Variants in HTT observed in about 807,000 individuals in gnomAD.
HTT encodes huntington disease protein.
Under a neutral mutation model 362.3 loss-of-function variants are expected in HTT, and 104 were observed. The ratio of observed to expected loss-of-function variants is 0.29; its 90% CI spans 0.24 to 0.34. HTT has a LOEUF of 0.34. HTT is among the 10% of genes least tolerant of loss of function. The probability of loss-of-function intolerance (pLI) is 1.00; values close to 1 mark genes in which losing one functional copy is unlikely to be tolerated. For missense variants in HTT, 3,301 were observed against 3,928.6 expected, an observed-to-expected ratio of 0.84 and a Z score of 4.27; for synonymous variants, 1,577 against 1,548.7, an observed-to-expected ratio of 1.02 and a Z score of -0.43.
rs746927611 is a variant in HTT at position 3,147,958 on chromosome 4, TC to T, written c.3296-44del. ...TTCAGTTCCCCAAGCAATTTGTCCT[TC>T]CCATGCTATTGGGGTGGAGAGGTAA... On this transcript the variant is annotated intron_variant, in intron 25 of 66. Transcript: ENST00000355072. The T allele has an allele frequency of 2.5e-5, 37 of 1,468,566 alleles. No individual in the cohort carries two copies. In the Middle Eastern group the frequency reaches 1.1e-3, roughly 44 times the overall value. The allele number at this position is 1,468,566 out of a possible 1,614,324, so 91.0% of individuals were successfully genotyped here.
At position 3,075,034 on chromosome 4, in the gene HTT, C is replaced by A. The variant is rs375917; in HGVS notation, c.209C>A (p.Pro70Gln). 5 of 1,245,636 alleles carry A rather than the reference C, an allele frequency of 4.0e-6. No homozygotes were observed. The highest frequency in any genetic ancestry group is 3.6e-5 in the South Asian group (1 of 27,576). The allele number at this position is 1,245,636 out of a possible 1,614,324, so 77.2% of individuals were successfully genotyped here. A position where few individuals can be genotyped will look rare whatever the true frequency, so the allele number is the denominator to read the frequency against. ...PLLPQPQPPP[P>Q]PPPPPPGPAV... ...CTGCCTCAGCCGCAGCCGCCCCCGC[C>A]GCCGCCCCCGCCGCCACCCGGCCCG... Residue 70 changes from proline (P) to glutamine (Q), a missense_variant, in exon 1 of 67, where the codon CCG becomes CAG. Around this residue, in one of 4 missense-constraint regions of HTT, gnomAD observed 2,316 missense variants for 2,658.5 expected, o/e 0.87. Transcript: ENST00000355072.
At chr4:3,237,965 A>T (rs1218721595) in intron 64 of HTT, among the ~76,000 whole-genome samples, 2 of 152,230 alleles carry the variant, frequency 1.3e-5, no homozygotes, top group African/African-American at 2.4e-5. Context: ...GAGCATTTGC[A>T]TGTGGAAAGC....
intron 1 of HTT, among the ~76,000 whole-genome samples, chr4:3,075,714 G>A (rs1221972619): frequency 6.6e-6 from 1 of 151,262 alleles, no homozygotes; most frequent in Non-Finnish European, 1.5e-5. Context: ...ACTTAAAACA[G>A]CCTGAGATTT....
intron 52 of HTT, among the ~76,000 whole-genome samples, chr4:3,219,138 G>A (rs1720559879): frequency 6.6e-6 from 1 of 152,218 alleles, no homozygotes; most frequent in African/African-American, 2.4e-5. Flanking sequence ...AGGCTTTCCT[G>A]GGAAGAGAGC....
chr4:3,157,492 G>A (rs1265729990), intron 28 of HTT, among the ~76,000 whole-genome samples: 2 of 152,186 alleles, frequency 1.3e-5, no homozygotes, highest in African/African-American at 2.4e-5. Context: ...GGAGGGATCC[G>A]TGTACAGGCT....
intron 21 of HTT, among the ~76,000 whole-genome samples, chr4:3,136,612 C>A (rs1578527108): frequency 6.6e-6 from 1 of 151,886 alleles, no homozygotes; most frequent in East Asian, 1.9e-4. Flanking sequence ...AAAAAATCAC[C>A]TTCAATTCTG....
chr4:3,156,792 C>G (rs906296492), intron 27 of HTT, among the ~76,000 whole-genome samples: 4 of 152,182 alleles, frequency 2.6e-5, no homozygotes, highest in Admixed American at 6.5e-5. Flanking sequence ...TCAGCTGCTC[C>G]TATGATTCTC....
chr4:3,074,901 C>G lies in HTT; in HGVS notation c.76C>G (p.Gln26Glu). The G allele has an allele frequency of 6.7e-7, 1 of 1,488,582 alleles. No individual in the cohort carries two copies. Among genetic ancestry groups the G allele is most frequent in the African/African-American group, 1.5e-5 (1 of 67,404 alleles). The allele number at this position is 1,488,582 out of a possible 1,614,324, so 92.2% of individuals were successfully genotyped here. ...CCAGCAGCAGCAGCAGCAGCAGCAGCAGCAGCAGCAGCAGCAGCAGCAGCA... is the reference window on the plus strand; with the variant it reads ...CCAGCAGCAGCAGCAGCAGCAGCAGGAGCAGCAGCAGCAGCAGCAGCAGCA... ...SFQQQQQQQQ[Q>E]QQQQQQQQQQ... The change falls in exon 1 of 67, where the codon CAG becomes GAG. Residue 26 changes from glutamine to glutamate, a missense_variant. Physicochemically the swap from Gln to Glu is conservative, Grantham distance 29. Coordinates refer to ENST00000355072, the MANE Select transcript of HTT (RefSeq NM_001388492.1).
At chr4:3,095,228 C>T (rs529902041) in intron 2 of HTT, among the ~76,000 whole-genome samples, 1 of 152,366 alleles carries the variant, frequency 6.6e-6, no homozygotes, top group South Asian at 2.1e-4. Context: ...GCACTCCAGC[C>T]TGGGCAACAC....
At chr4:3,201,818 G>A (rs986688703) in intron 41 of HTT, among the ~76,000 whole-genome samples, 3 of 152,130 alleles carry the variant, frequency 2.0e-5, no homozygotes, top group Non-Finnish European at 4.4e-5. Context: ...ATTTCCATGA[G>A]ATGAGAAAAA....
intron 64 of HTT, among the ~76,000 whole-genome samples, chr4:3,237,191 A>C (rs1046179956): frequency 1.3e-4 from 20 of 151,654 alleles, no homozygotes; most frequent in Admixed American, 5.3e-4. Context: ...CTCCTGCCTC[A>C]GCCTCCCTAG....
At chr4:3,167,779 T>C (rs1416149436) in intron 29 of HTT, among the ~76,000 whole-genome samples, 2 of 152,236 alleles carry the variant, frequency 1.3e-5, no homozygotes, top group African/African-American at 2.4e-5. Flanking sequence ...TTTTTAAAGG[T>C]ACATAAAGAT....
intron 1 of HTT, among the ~76,000 whole-genome samples, chr4:3,076,018 A>AC (rs1353888390): frequency 6.6e-6 from 1 of 152,126 alleles, no homozygotes; most frequent in Non-Finnish European, 1.5e-5. Context: ...TGTACATTTT[A>AC]CCAGTATTCC....
At chr4:3,106,770 G>A (rs922265278) in intron 5 of HTT, among the ~76,000 whole-genome samples, 6 of 152,088 alleles carry the variant, frequency 3.9e-5, no homozygotes, top group Non-Finnish European at 8.8e-5. Flanking sequence ...CTTGTTGCCA[G>A]ACTCTGCCAC....
chr4:3,086,877 G>A (rs1315723384), intron 1 of HTT, 62 bp from the exon 2 acceptor site: 1 of 854,372 alleles, frequency 1.2e-6, no homozygotes, highest in East Asian at 2.5e-5. Context: ...TGAATGAGGT[G>A]TAGAACTAAG....
At chr4:3,181,655 A>G (rs1307744347) in intron 36 of HTT, among the ~76,000 whole-genome samples, 1 of 152,130 alleles carries the variant, frequency 6.6e-6, no homozygotes, top group East Asian at 1.9e-4. Context: ...TCATATTTTA[A>G]TGAACCCCTG....
Position 3,214,994 on chromosome 4 carries a change from G to A in HTT, c.6953-116G>A. ...TCTAAAATTGGTTCTAAGGAATCTAGGCTAGTCTGTCTATCCCTTTCAACT... is the reference window on the plus strand; with the variant it reads ...TCTAAAATTGGTTCTAAGGAATCTAAGCTAGTCTGTCTATCCCTTTCAACT... On this transcript the variant is annotated intron_variant, in intron 50 of 66. Transcript: ENST00000355072. 3.9e-6 allele frequency: 3 copies of A among 767,738 alleles called. No individual in the cohort carries two copies. The Admixed American group carries it at 7.5e-5, about 19-fold the overall frequency. The allele number at this position is 767,738 out of a possible 1,614,324, so 47.6% of individuals were successfully genotyped here.
chr4:3,074,805 C>T lies in HTT; in HGVS notation c.-21C>T. 6.6e-7 allele frequency: 1 copy of T among 1,511,280 alleles called. No individual in the cohort carries two copies. Among genetic ancestry groups the T allele is most frequent in the Non-Finnish European group, 8.8e-7 (1 of 1,135,860 alleles). 93.6% of individuals were successfully genotyped at this position (1,511,280 alleles called of 1,614,324 possible). On this transcript the variant is annotated 5_prime_UTR_variant, in exon 1 of 67. Coordinates refer to ENST00000355072, the MANE Select transcript of HTT (RefSeq NM_001388492.1). ...TCGGCCCGAGGCCTCCGGGGACTGCCGTGCCGGGCGGGAGACCGCCATGGC... is the reference window on the plus strand; with the variant it reads ...TCGGCCCGAGGCCTCCGGGGACTGCTGTGCCGGGCGGGAGACCGCCATGGC...
chr4:3,160,041 C>T (rs1244696162), intron 28 of HTT, among the ~76,000 whole-genome samples: 6 of 152,188 alleles, frequency 3.9e-5, no homozygotes, highest in South Asian at 2.1e-4. Context: ...CTTCCAGTAG[C>T]GCCAGTGTAA....
Sources: gnomAD v4.1 joint callset for allele counts (sites outside exome capture counted in the v4.1 genomes callset) on GRCh38, gnomAD v4.1.1 for gene constraint, gnomAD v4.1.1 regional missense constraint, MANE v1.5 for transcripts, NCBI Gene and HGNC (gene_info 2026-07-23, HGNC 2026-07-21) for gene names.